CRYBG3: variants seen among roughly 807,000 people sequenced by gnomAD.
The protein encoded by CRYBG3 is crystallin beta-gamma domain containing 3.
Under a neutral mutation model 244.2 loss-of-function variants are expected in CRYBG3, and 127 were observed. That is an observed-to-expected ratio of 0.52 (90% CI 0.45 to 0.60). The LOEUF (loss-of-function observed/expected upper bound fraction) is 0.60, where lower values mean the gene tolerates loss of function less well. CRYBG3 is among the 20% of genes least tolerant of loss of function. The pLI is 0.00. For synonymous variants in CRYBG3, 1,132 were observed against 1,195.8 expected, an observed-to-expected ratio of 0.95 and a Z score of 1.10; for missense variants, 3,325 against 3,442.5, an observed-to-expected ratio of 0.97 and a Z score of 0.85.
intron 2 of CRYBG3, among the ~76,000 whole-genome samples, chr3:97,860,656 T>C (rs1267747578): frequency 1.3e-5 from 2 of 152,134 alleles, no homozygotes; most frequent in Non-Finnish European, 2.9e-5. Flanking sequence ...TTTCTTGAGC[T>C]CACAGTGGCA....
At position 97,871,918 on chromosome 3, in the gene CRYBG3, T is replaced by G. The variant is rs760716292; in HGVS notation, c.724T>G (p.Leu242Val). 1 of 1,535,596 alleles carries G rather than the reference T, an allele frequency of 6.5e-7. No individual in the cohort carries two copies. The highest frequency in any genetic ancestry group is 1.2e-5 in the South Asian group (1 of 83,994). ...YRGPRHIGKY[L>V]KQQTGLATVN... Reference sequence around the variant, plus strand: ...AGGCCCAAGACACATTGGGAAATATTTAAAGCAACAGACAGGCTTGGCAAC... The same window carrying G: ...AGGCCCAAGACACATTGGGAAATATGTAAAGCAACAGACAGGCTTGGCAAC... Residue 242 changes from leucine (L) to valine (V), a missense_variant, in exon 4 of 22, where the codon TTA becomes GTA. Physicochemically the swap from Leu to Val is conservative, Grantham distance 32. This residue lies in a region of CRYBG3 where 1,526 missense variants were observed against 1,443.2 expected (regional missense o/e 1.06). Coordinates refer to ENST00000389622, the MANE Select transcript of CRYBG3 (RefSeq NM_153605.4).
chr3:97,902,110 T>G (rs180679981), intron 15 of CRYBG3, among the ~76,000 whole-genome samples: 7 of 152,278 alleles, frequency 4.6e-5, no homozygotes, highest in Admixed American at 1.3e-4. Flanking sequence ...GAAAGTATTT[T>G]CAACAGGCAG....
rs1259707441 is a variant in CRYBG3, at chr3:97,847,149, C to T, written c.216+3888C>T. ...CAAAGCCATCCATGAGGGTTCTGCC[C>T]CCATGACCCAGACACCTCCCACCAG... On this transcript the variant is annotated intron_variant, in intron 2 of 21. Coordinates refer to ENST00000389622, the MANE Select transcript of CRYBG3 (RefSeq NM_153605.4). 2.0e-5 allele frequency among the ~76,000 whole-genome samples: 3 copies of T among 152,106 alleles called. No homozygotes were observed. The East Asian group carries it at 5.8e-4, about 29-fold the overall frequency.
chr3:97,874,127 A>G lies in CRYBG3; in HGVS notation c.2933A>G (p.Lys978Arg). ...TCTTTGGATATTTGTGGGACTAAAA[A>G]GATTTCTGGTCACTCAGAAATGGCG... ...HQSLDICGTK[K>R]ISGHSEMAEL... is the part of the protein sequence containing the mutation. Residue 978 changes from lysine to arginine, a missense_variant, in exon 4 of 22, where the codon AAG becomes AGG. Lys to Arg is a conservative substitution (Grantham distance 26). Coordinates refer to ENST00000389622, the MANE Select transcript of CRYBG3 (RefSeq NM_153605.4). 1.3e-6 allele frequency: 2 copies of G among 1,534,718 alleles called. No homozygotes were observed. The highest frequency in any genetic ancestry group is 1.7e-6 in the Non-Finnish European group (2 of 1,146,514).
chr3:97,915,462 T>G, intron 16 of CRYBG3, 148 bp from the exon 17 acceptor site: 1 of 602,238 alleles, frequency 1.7e-6, no homozygotes, highest in Non-Finnish European at 2.7e-6. Flanking sequence ...TGGTAGCTGT[T>G]GTGTTTTTTG....
In CRYBG3 at chr3:97,889,213, AT is replaced by A. The variant is rs1576545908; in HGVS notation, c.7405-139del. ...TAGAGTTCTGTGCTTAAAGTTTAAA[AT>A]TTAGCACAATTTGAATTTGACTGGT... On this transcript the variant is annotated intron_variant, in intron 9 of 21. Coordinates refer to ENST00000389622, the MANE Select transcript of CRYBG3 (RefSeq NM_153605.4). The A allele has an allele frequency of 8.8e-6, 6 of 680,362 alleles. No individual in the cohort carries two copies. In the East Asian group the frequency reaches 1.6e-4, roughly 19 times the overall value. The allele number at this position is 680,362 out of a possible 1,614,324, so 42.1% of individuals were successfully genotyped here. A position where few individuals can be genotyped will look rare whatever the true frequency, so the allele number is the denominator to read the frequency against.
chr3:97,898,731 A>G (rs2039667645), intron 12 of CRYBG3, 152 bp from the exon 13 acceptor site: 2 of 494,722 alleles, frequency 4.0e-6, no homozygotes, highest in Non-Finnish European at 7.1e-6. Flanking sequence ...TGGAAGTAAT[A>G]GCTATAAAAT....
Position 97,933,821 on chromosome 3 carries a change from T to C in CRYBG3, c.8369T>C (p.Val2790Ala). The C allele has an allele frequency of 4.3e-6, 7 of 1,612,010 alleles. No individual in the cohort carries two copies. The highest frequency in any genetic ancestry group is 5.9e-6 in the Non-Finnish European group (7 of 1,178,728). The change falls in exon 18 of 22, where the codon GTA (valine) becomes GCA (alanine). Residue 2790 changes from valine to alanine, a missense_variant. Coordinates refer to ENST00000389622, the MANE Select transcript of CRYBG3 (RefSeq NM_153605.4). ...CACTTCTACACCCAGTCTGTGTGGG[T>C]AAAAAGTGGACTGTAAGTATGGGAA... ...DLHFYTQSVW[V>A]KSGLWIAYEG...
chr3:97,932,833 G>C (rs868501711), intron 17 of CRYBG3, among the ~76,000 whole-genome samples: 3 of 152,008 alleles, frequency 2.0e-5, no homozygotes, highest in South Asian at 2.1e-4. Flanking sequence ...TTTTCCCTCT[G>C]TTCACCATCT....
chr3:97,822,394 A>G (rs988997003), intron 1 of CRYBG3, 39 bp downstream of exon 1: 8 of 1,425,604 alleles, frequency 5.6e-6, no homozygotes, highest in Middle Eastern at 2.3e-4. Context: ...GGCCCTGCAC[A>G]TATTCGCGGG....
chr3:97,928,390 AC>A (rs1332143724), intron 17 of CRYBG3, among the ~76,000 whole-genome samples: 1 of 151,940 alleles, frequency 6.6e-6, no homozygotes, highest in Non-Finnish European at 1.5e-5. Context: ...AACAATAAAC[AC>A]CAGGGCCTGC....
Position 97,872,862 on chromosome 3 carries a change from C to A in CRYBG3, c.1668C>A (p.Pro556=), listed in dbSNP as rs576568824. 6 of 1,535,460 alleles carry A rather than the reference C, an allele frequency of 3.9e-6. No individual in the cohort carries two copies. In the African/African-American group the frequency reaches 4.1e-5, roughly 11 times the overall value. The change falls in exon 4 of 22, where the codon CCC becomes CCA. Residue 556 remains proline (P), a synonymous_variant. Transcript: ENST00000389622. The stretch of plus-strand genomic sequence containing the variant: ...CAGAAGATAAAATTGAGTCATTACC[C>A]AAAGATACTGACCAATACTTTGAAA... The part of the protein sequence containing the change: ...KAPEDKIESL[P]KDTDQYFETK...
chr3:97,852,406 T>C (rs2038999356), intron 2 of CRYBG3, among the ~76,000 whole-genome samples: 2 of 152,112 alleles, frequency 1.3e-5, no homozygotes, highest in South Asian at 4.1e-4. Flanking sequence ...TTGGAGTGAT[T>C]AGTCGTTAGA....
chr3:97,875,611 G>C lies in CRYBG3; in HGVS notation c.4417G>C (p.Val1473Leu). The C allele has an allele frequency of 8.1e-7, 1 of 1,235,042 alleles. No individual in the cohort carries two copies. The highest frequency in any genetic ancestry group is 1.5e-5 in the African/African-American group (1 of 64,556). The allele number at this position is 1,235,042 out of a possible 1,614,324, so 76.5% of individuals were successfully genotyped here. Residue 1473 changes from valine (V) to leucine (L), a missense_variant, in exon 4 of 22, where the codon GTA becomes CTA. This residue lies in a region of CRYBG3 where 635 missense variants were observed against 771.7 expected (regional missense o/e 0.82). Transcript: ENST00000389622. The stretch of plus-strand genomic sequence containing the variant: ...TGAGACAGAGGACAGAAGAACTCTT[G>C]TATTAAATTTCAAATGGCCTCCACT... ...KTETEDRRTL[V>L]LNFKWPPLVN...
rs769931121 is a variant in CRYBG3, at chr3:97,941,318, C to T, written c.8664+12C>T. The T allele has an allele frequency of 1.1e-5, 17 of 1,582,774 alleles. No homozygotes were observed. The highest frequency in any genetic ancestry group is 2.3e-5 in the South Asian group (2 of 86,528). ...TCTTTAAATCCAAGGTAAGCAATCC[C>T]ACTGATACAGTATGCCACTTTCTGG... On this transcript the variant is annotated intron_variant, in intron 20 of 21. Transcript: ENST00000389622.
chr3:97,878,042 G>A lies in CRYBG3; in HGVS notation c.6843+5G>A, dbSNP rs1242031219. 1 of 1,587,784 alleles carries A rather than the reference G, an allele frequency of 6.3e-7. No homozygotes were observed. Among genetic ancestry groups the A allele is most frequent in the Admixed American group, 1.9e-5 (1 of 53,458 alleles). On this transcript the variant is annotated splice_donor_5th_base_variant and intron_variant, in intron 4 of 21. Coordinates refer to ENST00000389622, the MANE Select transcript of CRYBG3 (RefSeq NM_153605.4). Reference sequence around the variant, plus strand: ...AGATTGAGCCCATTTATAGAGGTAAGTTATTTTGTTTATTGTATTAATAAT... The same window carrying A: ...AGATTGAGCCCATTTATAGAGGTAAATTATTTTGTTTATTGTATTAATAAT...
chr3:97,939,529 A>G (rs2040202255), intron 19 of CRYBG3, among the ~76,000 whole-genome samples: 2 of 152,028 alleles, frequency 1.3e-5, no homozygotes, highest in Non-Finnish European at 2.9e-5. Flanking sequence ...TTTAAGTATA[A>G]TTACAGAGCA....
At chr3:97,842,812 C>T in intron 1 of CRYBG3, among the ~76,000 whole-genome samples, 1 of 152,000 alleles carries the variant, frequency 6.6e-6, no homozygotes, top group East Asian at 1.9e-4. Context: ...CCAAATAACA[C>T]CCAGCATGGG....
At chr3:97,853,045 G>A (rs927796705) in intron 2 of CRYBG3, among the ~76,000 whole-genome samples, 3 of 152,062 alleles carry the variant, frequency 2.0e-5, no homozygotes, top group Non-Finnish European at 2.9e-5. Context: ...TAGTAGCACA[G>A]GTGGTGTTTG....
Sources: gnomAD v4.1 joint callset for allele counts (sites outside exome capture counted in the v4.1 genomes callset) on GRCh38, gnomAD v4.1.1 for gene constraint, gnomAD v4.1.1 regional missense constraint, MANE v1.5 for transcripts, NCBI Gene and HGNC (gene_info 2026-07-23, HGNC 2026-07-21) for gene names.